Variants in FNDC3B observed in about 807,000 individuals in gnomAD.
FNDC3B encodes fibronectin type III domain containing 3B, also known as fibronectin type III domain-containing protein 3B.
In FNDC3B, 12 loss-of-function variants were observed where a neutral mutation model predicts 151.5. The observed-to-expected ratio is 0.08, with a 90% CI of 0.05 to 0.13. The LOEUF is 0.13. Among genes scored for constraint, FNDC3B ranks in the 10% least tolerant of loss-of-function variants. The pLI, the probability that FNDC3B is intolerant of heterozygous loss-of-function variation, is 1.00. For synonymous variants in FNDC3B, 528 were observed against 549.0 expected (o/e 0.96, Z 0.54); for missense variants, 1,214 against 1,505.3 (o/e 0.81, Z 3.20).
chr3:172,261,973 G>A (rs2108790988), intron 6 of FNDC3B, among the ~76,000 whole-genome samples: 1 of 152,238 alleles, frequency 6.6e-6, no homozygotes, highest in African/African-American at 2.4e-5. Context: ...GGGATGATTT[G>A]CTCCAAGCAT....
At chr3:172,202,872 C>T (rs117091474) in intron 3 of FNDC3B, among the ~76,000 whole-genome samples, 61 of 152,268 alleles carry the variant, frequency 4.0e-4, no homozygotes, top group East Asian at 3.7e-3. Flanking sequence ...TAGTTTGCTG[C>T]GGGTGTGGCA....
intron 25 of FNDC3B, among the ~76,000 whole-genome samples, chr3:172,383,601 G>A (rs1327597871): frequency 6.6e-6 from 1 of 152,190 alleles, no homozygotes; most frequent in African/African-American, 2.4e-5. Flanking sequence ...TGACCTGGTA[G>A]GTCTTGGGTG....
intron 1 of FNDC3B, among the ~76,000 whole-genome samples, chr3:172,075,400 A>G (rs1245151889): frequency 6.6e-6 from 1 of 152,152 alleles, no homozygotes; most frequent in Non-Finnish European, 1.5e-5. Flanking sequence ...GATTAATGAT[A>G]TGAAAAAGTT....
chr3:172,175,500 G>A (rs1669806691), intron 3 of FNDC3B, among the ~76,000 whole-genome samples: 1 of 152,086 alleles, frequency 6.6e-6, no homozygotes, highest in South Asian at 2.1e-4. Context: ...TTGCTGAAAG[G>A]CAAATTCTTA....
At chr3:172,135,092 A>C (rs1029538499) in intron 3 of FNDC3B, among the ~76,000 whole-genome samples, 2 of 152,126 alleles carry the variant, frequency 1.3e-5, no homozygotes, top group Non-Finnish European at 2.9e-5. Context: ...GCCTCTGGTT[A>C]TGGTAACATT....
rs1454891816 is a variant in FNDC3B at position 172,248,683 on chromosome 3, T to G, written c.508+907T>G. On this transcript the variant is annotated intron_variant, in intron 5 of 25. Coordinates refer to ENST00000415807, the MANE Select transcript of FNDC3B (RefSeq NM_022763.4). Reference sequence around the variant, plus strand: ...CAAGTTATCACTTTTAAGAATTATATATATATAATTATATAATTTCTATAT... The same window carrying G: ...CAAGTTATCACTTTTAAGAATTATAGATATATAATTATATAATTTCTATAT... 4.7e-5 allele frequency among the ~76,000 whole-genome samples: 7 copies of G among 147,948 alleles called. No individual in the cohort carries two copies. The Admixed American group carries it at 4.7e-4, about 10-fold the overall frequency.
At chr3:172,159,345 T>A (rs112598472) in intron 3 of FNDC3B, among the ~76,000 whole-genome samples, 3,027 of 152,312 alleles carry the variant, frequency 0.02, 101 homozygotes, top group African/African-American at 0.062. Context: ...CCTGGCTTGG[T>A]TGAACTGTGT....
At chr3:172,053,073 C>T (rs994566795) in intron 1 of FNDC3B, among the ~76,000 whole-genome samples, 4 of 152,132 alleles carry the variant, frequency 2.6e-5, no homozygotes, top group Non-Finnish European at 4.4e-5. Flanking sequence ...AATATGTATT[C>T]CATCCATATG....
At position 172,044,273 on chromosome 3, in the gene FNDC3B, A is replaced by C. The variant is rs181642786; in HGVS notation, c.-29+4502A>C. On this transcript the variant is annotated intron_variant, in intron 1 of 25. Transcript: ENST00000415807. ...TTCTGATTTTGTATGGAATAGTGAA[A>C]ATTCCAACTCTTTTTTTTTTTTTTT... Among the ~76,000 whole-genome samples the C allele has an allele frequency of 2.0e-3, 258 of 131,994 alleles. 3 individuals are homozygous for C. Among genetic ancestry groups the C allele is most frequent in the African/African-American group, 9.9e-3 (250 of 25,318 alleles). The allele number at this position is 131,994 out of a possible 152,430, so 86.6% of individuals were successfully genotyped here.
chr3:172,201,081 G>A (rs1167853085), intron 3 of FNDC3B, among the ~76,000 whole-genome samples: 4 of 152,202 alleles, frequency 2.6e-5, no homozygotes, highest in African/African-American at 9.6e-5. Context: ...CAGTGGTTCA[G>A]AATTTTTATG....
intron 11 of FNDC3B, among the ~76,000 whole-genome samples, chr3:172,312,739 A>C (rs1480613992): frequency 6.6e-6 from 1 of 152,158 alleles, no homozygotes; most frequent in African/African-American, 2.4e-5. Flanking sequence ...AAGGAAGGCC[A>C]AAAAAGTTGA....
intron 3 of FNDC3B, among the ~76,000 whole-genome samples, chr3:172,164,822 G>A (rs898461427): frequency 7.2e-5 from 11 of 152,160 alleles, no homozygotes; most frequent in African/African-American, 1.7e-4. Flanking sequence ...CGTGTACTGT[G>A]TTAGAAAGAA....
intron 14 of FNDC3B, among the ~76,000 whole-genome samples, chr3:172,334,243 A>G (rs1732834770): frequency 6.6e-6 from 1 of 152,146 alleles, no homozygotes. Flanking sequence ...TGGCTATGAG[A>G]ACATAGCTAT....
intron 3 of FNDC3B, among the ~76,000 whole-genome samples, chr3:172,194,198 C>G (rs1449482423): frequency 6.6e-6 from 1 of 151,658 alleles, no homozygotes; most frequent in Non-Finnish European, 1.5e-5. Context: ...CCAGCCTGGG[C>G]AACAGAGCAA....
At chr3:172,306,314 G>A (rs983831376) in intron 9 of FNDC3B, among the ~76,000 whole-genome samples, 1 of 152,182 alleles carries the variant, frequency 6.6e-6, no homozygotes, top group East Asian at 1.9e-4. Flanking sequence ...GACTTCCAGG[G>A]ATAAATACCA....
chr3:172,356,761 G>T (rs575244193), intron 22 of FNDC3B, among the ~76,000 whole-genome samples: 1 of 152,250 alleles, frequency 6.6e-6, no homozygotes, highest in East Asian at 1.9e-4. Context: ...ATTTTCTGAT[G>T]ATTATTCTCT....
chr3:172,314,155 G>A (rs1037765811), intron 11 of FNDC3B, among the ~76,000 whole-genome samples: 12 of 152,162 alleles, frequency 7.9e-5, no homozygotes, highest in African/African-American at 2.7e-4. Context: ...AGTGAGGCAG[G>A]AGAATGGGAA....
intron 10 of FNDC3B, 52 bp downstream of exon 10, chr3:172,307,553 G>A: frequency 6.3e-7 from 1 of 1,596,320 alleles, no homozygotes; most frequent in Non-Finnish European, 8.6e-7. Flanking sequence ...TTAGCCAGGT[G>A]TGGTGGCAAC....
chr3:172,188,963 TG>T (rs1407392134), intron 3 of FNDC3B, among the ~76,000 whole-genome samples: 1 of 152,236 alleles, frequency 6.6e-6, no homozygotes, highest in Non-Finnish European at 1.5e-5. Context: ...TATCCTTGCT[TG>T]GGTGTTTTCC....
Sources: allele counts gnomAD v4.1 joint callset (sites outside exome capture counted in the v4.1 genomes callset), GRCh38; gene constraint gnomAD v4.1.1; transcripts MANE v1.5; gene names NCBI Gene and HGNC (gene_info 2026-07-23, HGNC 2026-07-21).